PCDHGB4: variants seen among roughly 807,000 people sequenced by gnomAD.
The protein encoded by PCDHGB4 is protocadherin gamma subfamily B, 4, also known as protocadherin gamma-B4.
Under a neutral mutation model 60.5 loss-of-function variants are expected in PCDHGB4, and 38 were observed. The observed-to-expected ratio is 0.63, with a 90% CI of 0.48 to 0.82. PCDHGB4 has a LOEUF of 0.82. Among genes scored for constraint, PCDHGB4 ranks in the 40% least tolerant of loss-of-function variants. The probability of loss-of-function intolerance (pLI) is 0.00; values close to 1 mark genes in which losing one functional copy is unlikely to be tolerated. For synonymous variants in PCDHGB4, 456 were observed against 509.7 expected, an observed-to-expected ratio of 0.89 and a Z score of 1.42; for missense variants, 1,109 against 1,209.6, an observed-to-expected ratio of 0.92 and a Z score of 1.23.
intron 1 of PCDHGB4, chr5:141,415,740 G>GTTTTTTGTTT (rs2095911797): frequency 3.9e-6 from 2 of 515,998 alleles, no homozygotes; most frequent in African/African-American, 2.8e-5. Context: ...GTTTATTAAG[G>GTTTTTTGTTT]TTTTTTTTTT....
At chr5:141,504,364 G>A (rs764741297) in intron 2 of PCDHGB4, among the ~76,000 whole-genome samples, 2 of 152,116 alleles carry the variant, frequency 1.3e-5, no homozygotes, top group African/African-American at 2.4e-5. Flanking sequence ...GCTTCAGTAG[G>A]AAGCAGGTGG....
At chr5:141,427,774 G>A (rs760144039) in intron 1 of PCDHGB4, 1 of 1,420,908 alleles carries the variant, frequency 7.0e-7, no homozygotes, top group Non-Finnish European at 9.8e-7. Context: ...TTGGAGCTGC[G>A]GGCACTGTCG....
intron 1 of PCDHGB4, chr5:141,408,915 A>T (rs2095192273): frequency 1.2e-6 from 2 of 1,613,004 alleles, no homozygotes; most frequent in South Asian, 2.2e-5. Context: ...ACCAATGATA[A>T]CCCCCCGGTT....
Position 141,489,819 on chromosome 5 carries a change from G to T in PCDHGB4, c.2398-4988G>T. On this transcript the variant is annotated intron_variant, in intron 1 of 3. Transcript: ENST00000519479. This position sits in a 1 kb window ranked among gnomAD's most constrained non-coding sequence, Gnocchi z 4.5. ...TAAAAGATGGGAAGCCATTCCCAGA[G>T]CTGGTGCTAGAGCAGCAGCTGGATC... 6.2e-7 allele frequency: 1 copy of T among 1,614,190 alleles called. No homozygotes were observed.
intron 1 of PCDHGB4, chr5:141,478,141 C>T (rs770862398): frequency 6.2e-7 from 1 of 1,614,044 alleles, no homozygotes; most frequent in Non-Finnish European, 8.5e-7. Context: ...AAGCCCGAGC[C>T]GAGTTCCCCT....
chr5:141,394,514 C>G (rs2093021412), intron 1 of PCDHGB4: 2 of 1,614,230 alleles, frequency 1.2e-6, no homozygotes, highest in South Asian at 1.1e-5. Context: ...ACCCCGCCCT[C>G]CCCACAGACG....
rs374663443 is a variant in PCDHGB4, at chr5:141,388,923, T to G, written c.1039T>G (p.Phe347Val). ...AAATGACAACGCCCCAGAAGTGATA[T>G]TCCAGTCTCTACCCAACCTAATTAT... is the stretch of plus-strand genomic sequence containing the variant. ...DENDNAPEVI[F>V]QSLPNLIMED... The change falls in exon 1 of 4, where the codon TTC becomes GTC. Residue 347 changes from phenylalanine (F) to valine (V), a missense_variant. Physicochemically the swap from Phe to Val is conservative, Grantham distance 50 (BLOSUM62 -1). This residue lies in a region of PCDHGB4 where 1,068 missense variants were observed against 1,089.9 expected (regional missense o/e 0.98). Transcript: ENST00000519479. 1.2e-6 allele frequency: 2 copies of G among 1,614,002 alleles called. No individual in the cohort carries two copies. Among genetic ancestry groups the G allele is most frequent in the Admixed American group, 1.7e-5 (1 of 60,028 alleles).
At chr5:141,472,980 C>CAAAAAAAA (rs60579131) in intron 1 of PCDHGB4, among the ~76,000 whole-genome samples, 7 of 86,098 alleles carry the variant, frequency 8.1e-5, no homozygotes, top group Admixed American at 1.2e-4. Context: ...GAGTGAAACT[C>CAAAAAAAA]AAAAAAAAAA....
At chr5:141,427,306 A>G (rs1023837851) in intron 1 of PCDHGB4, 6 of 456,826 alleles carry the variant, frequency 1.3e-5, no homozygotes, top group African/African-American at 1.2e-4. Flanking sequence ...GAGAATGACA[A>G]TGCCCCAGAC....
intron 1 of PCDHGB4, chr5:141,414,204 T>C (rs748616910): frequency 1.2e-6 from 2 of 1,612,266 alleles, no homozygotes; most frequent in East Asian, 2.2e-5. Flanking sequence ...CAGTAGAAGA[T>C]GTAAATGACA....
chr5:141,481,065 AAAAG>A (rs1476331686), intron 1 of PCDHGB4, among the ~76,000 whole-genome samples: 1 of 152,164 alleles, frequency 6.6e-6, no homozygotes, highest in Non-Finnish European at 1.5e-5. Flanking sequence ...CTCAAAAACA[AAAAG>A]AAAGAAAGAA....
At chr5:141,421,478 G>T in intron 1 of PCDHGB4, 1 of 1,614,130 alleles carries the variant, frequency 6.2e-7, no homozygotes, top group Non-Finnish European at 8.5e-7. Flanking sequence ...CGAAGCGGCA[G>T]CTTGATCACG....
In PCDHGB4 at chr5:141,491,425, C is replaced by CA; in HGVS notation, c.2398-3381dup. The CA allele has an allele frequency of 6.2e-7, 1 of 1,614,076 alleles. No homozygotes were observed. The highest frequency in any genetic ancestry group is 8.5e-7 in the Non-Finnish European group (1 of 1,179,996). On this transcript the variant is annotated intron_variant, in intron 1 of 3. Coordinates refer to ENST00000519479, the MANE Select transcript of PCDHGB4 (RefSeq NM_003736.4). The surrounding 1 kb of genome is among the most constrained non-coding windows in gnomAD (Gnocchi z 6.9). ...CGCAGACGGGGACGGGGGTGGAGGG[C>CA]AGTGCTGCAGGCGCCAGGACTCACC...
rs781289120 is a variant in PCDHGB4 at position 141,431,571 on chromosome 5, A to G, written c.2397+41290A>G. ...GTAGTCAACGCTACCGACCCTGACG[A>G]AGGAGTCAATGCGGAAGTGAGGTAT... is the stretch of plus-strand genomic sequence containing the variant. On this transcript the variant is annotated intron_variant, in intron 1 of 3. Transcript: ENST00000519479. The surrounding 1 kb of genome is among the most constrained non-coding windows in gnomAD (Gnocchi z 4.8). 6.2e-7 allele frequency: 1 copy of G among 1,614,144 alleles called. No homozygotes were observed. The highest frequency in any genetic ancestry group is 2.2e-5 in the East Asian group (1 of 44,882).
At chr5:141,416,687 A>G (rs1283053610) in intron 1 of PCDHGB4, 1 of 152,270 alleles carries the variant, frequency 6.6e-6, no homozygotes, top group Non-Finnish European at 1.5e-5. Flanking sequence ...GGGAAATTAT[A>G]TAAACAAAGG....
Position 141,490,563 on chromosome 5 carries a change from G to C in PCDHGB4, c.2398-4244G>C. On this transcript the variant is annotated intron_variant, in intron 1 of 3. Coordinates refer to ENST00000519479, the MANE Select transcript of PCDHGB4 (RefSeq NM_003736.4). This position sits in a 1 kb window ranked among gnomAD's most constrained non-coding sequence, Gnocchi z 5.4. ...CCCTACACAAACATCTCACCATCAG[G>C]CTCAACATTTCAGATGTCAATGACA... 1 of 1,614,022 alleles carries C rather than the reference G, an allele frequency of 6.2e-7. No individual in the cohort carries two copies. Among genetic ancestry groups the C allele is most frequent in the Non-Finnish European group, 8.5e-7 (1 of 1,180,008 alleles).
chr5:141,424,768 A>G (rs143190880), intron 1 of PCDHGB4: 38 of 152,284 alleles, frequency 2.5e-4, no homozygotes, highest in African/African-American at 9.1e-4. Context: ...TCTTATGGCA[A>G]ATAGTACATT....
chr5:141,400,067 A>G lies in PCDHGB4; in HGVS notation c.2397+9786A>G, dbSNP rs761746196. On this transcript the variant is annotated intron_variant, in intron 1 of 3. Coordinates refer to ENST00000519479, the MANE Select transcript of PCDHGB4 (RefSeq NM_003736.4). ...CTGGTTGCTGTGCGTGATGGTGGAC[A>G]GCCGCCACTCTCCGCCACCGCCACG... is the stretch of plus-strand genomic sequence containing the variant. 1.3e-5 allele frequency: 21 copies of G among 1,613,654 alleles called. No individual in the cohort carries two copies. The highest frequency in any genetic ancestry group is 1.7e-4 in the Middle Eastern group (1 of 5,998).
chr5:141,455,542 C>T (rs2154565110), intron 1 of PCDHGB4, among the ~76,000 whole-genome samples: 1 of 152,246 alleles, frequency 6.6e-6, no homozygotes, highest in African/African-American at 2.4e-5. Flanking sequence ...ATATCATTCA[C>T]GTAGCCCGAG....
Sources: gnomAD v4.1 joint callset for allele counts (sites outside exome capture counted in the v4.1 genomes callset) on GRCh38, gnomAD v4.1.1 for gene constraint, gnomAD v4.1.1 regional missense constraint, Gnocchi (gnomAD v3.1) non-coding constraint, MANE v1.5 for transcripts, NCBI Gene and HGNC (gene_info 2026-07-23, HGNC 2026-07-21) for gene names.